Variants in PARD3B observed in about 807,000 individuals in gnomAD.
The protein encoded by PARD3B is partitioning defective 3 homolog B.
A neutral mutation model predicts 130.2 loss-of-function variants in PARD3B; 103 were observed. That is an observed-to-expected ratio of 0.79 (90% CI 0.67 to 0.93). PARD3B has a LOEUF of 0.93. Ranked by LOEUF, PARD3B falls within the 40% of genes least tolerant of loss-of-function variation. The pLI is 0.00. For missense variants in PARD3B, 1,609 were observed against 1,499.2 expected, an observed-to-expected ratio of 1.07 and a Z score of -1.21; for synonymous variants, 583 against 553.2, an observed-to-expected ratio of 1.05 and a Z score of -0.76.
chr2:205,144,268 A>G (rs1360289171), intron 10 of PARD3B, among the ~76,000 whole-genome samples: 2 of 152,238 alleles, frequency 1.3e-5, no homozygotes, highest in Admixed American at 6.5e-5. Context: ...TACCTAATTC[A>G]TAGCTTGGAG....
chr2:204,774,564 A>T (rs2041530423), intron 2 of PARD3B, among the ~76,000 whole-genome samples: 1 of 152,072 alleles, frequency 6.6e-6, no homozygotes, highest in South Asian at 2.1e-4. Flanking sequence ...GTATTTATGG[A>T]TAACATTAGG....
intron 16 of PARD3B, among the ~76,000 whole-genome samples, chr2:205,279,084 A>AC (rs1042304883): frequency 1.3e-5 from 2 of 149,734 alleles, no homozygotes; most frequent in African/African-American, 4.9e-5. Context: ...AAAAAAAAAA[A>AC]AAAAAAAAAA....
At chr2:204,570,593 A>G (rs1397792389) in intron 1 of PARD3B, among the ~76,000 whole-genome samples, 1 of 152,216 alleles carries the variant, frequency 6.6e-6, no homozygotes, top group Non-Finnish European at 1.5e-5. Flanking sequence ...TGAGGGAAGG[A>G]AGTGATAATG....
intron 3 of PARD3B, among the ~76,000 whole-genome samples, chr2:205,039,942 C>A (rs2125392677): frequency 6.6e-6 from 1 of 152,046 alleles, no homozygotes; most frequent in African/African-American, 2.4e-5. Flanking sequence ...TTTTTCTGGG[C>A]TTCAGTTCTT....
At chr2:204,657,638 A>C (rs987774948) in intron 1 of PARD3B, among the ~76,000 whole-genome samples, 2 of 152,212 alleles carry the variant, frequency 1.3e-5, no homozygotes, top group Admixed American at 6.5e-5. Flanking sequence ...CTTGGCTTAT[A>C]CAAGCCATAC....
chr2:205,096,032 A>G (rs940303775), intron 4 of PARD3B, among the ~76,000 whole-genome samples: 3 of 152,112 alleles, frequency 2.0e-5, no homozygotes, highest in Non-Finnish European at 4.4e-5. Flanking sequence ...CAAAAGTTGT[A>G]TAGAAATTAG....
Position 205,459,947 on chromosome 2 carries a change from T to C in PARD3B, c.3044+19275T>C, listed in dbSNP as rs534043736. Among the ~76,000 whole-genome samples, 3 of 152,244 alleles carry C rather than the reference T, an allele frequency of 2.0e-5. No individual in the cohort carries two copies. The East Asian group carries it at 5.8e-4, about 29-fold the overall frequency. On this transcript the variant is annotated intron_variant, in intron 20 of 22. Coordinates refer to ENST00000406610, the MANE Select transcript of PARD3B (RefSeq NM_001302769.2). Reference sequence around the variant, plus strand: ...TTCTTTCTCCTGGCAGTGAGGCCAGTGTTGGTGAAAGATGGCATGGATCTT... The same window carrying C: ...TTCTTTCTCCTGGCAGTGAGGCCAGCGTTGGTGAAAGATGGCATGGATCTT...
intron 2 of PARD3B, among the ~76,000 whole-genome samples, chr2:204,746,599 G>T (rs185248607): frequency 6.6e-6 from 1 of 152,036 alleles, no homozygotes; most frequent in African/African-American, 2.4e-5. Context: ...TCCCACCAAC[G>T]GTGTAAAAGT....
chr2:205,186,160 G>A (rs2036087594), intron 14 of PARD3B, among the ~76,000 whole-genome samples: 1 of 152,078 alleles, frequency 6.6e-6, no homozygotes, highest in Non-Finnish European at 1.5e-5. Flanking sequence ...GGAGCTCAAA[G>A]AAAAGTGACA....
intron 19 of PARD3B, among the ~76,000 whole-genome samples, chr2:205,419,621 C>T (rs572995176): frequency 5.3e-5 from 8 of 152,274 alleles, no homozygotes; most frequent in Non-Finnish European, 2.9e-5. Flanking sequence ...ATACAAGTCA[C>T]TTACTCTTTA....
At chr2:204,958,911 G>T (rs921115827) in intron 2 of PARD3B, among the ~76,000 whole-genome samples, 1 of 152,136 alleles carries the variant, frequency 6.6e-6, no homozygotes, top group Non-Finnish European at 1.5e-5. Flanking sequence ...CTTTTTATCA[G>T]ATCTGTTATT....
chr2:205,585,453 T>G lies in PARD3B; in HGVS notation c.3261-30003T>G, dbSNP rs2054162640. Among the ~76,000 whole-genome samples the G allele has an allele frequency of 2.0e-5, 3 of 152,242 alleles. No homozygotes were observed. On this transcript the variant is annotated intron_variant, in intron 22 of 22. Transcript: ENST00000406610. This position sits in a 1 kb window ranked among gnomAD's most constrained non-coding sequence, Gnocchi z 5.4. ...GGTTAATCCAACCTAATGAATCATTTAATGGGGATGAGAAGGCCAGGATGG... is the reference window on the plus strand; with the variant it reads ...GGTTAATCCAACCTAATGAATCATTGAATGGGGATGAGAAGGCCAGGATGG...
At chr2:205,245,756 C>G (rs1559581878) in intron 15 of PARD3B, 22 bp from the exon 16 acceptor site, 2 of 1,570,730 alleles carry the variant, frequency 1.3e-6, no homozygotes, top group Non-Finnish European at 1.7e-6. Flanking sequence ...TGATCCTTGT[C>G]TCTTTTATTT....
At chr2:204,575,616 T>G (rs1417263718) in intron 1 of PARD3B, among the ~76,000 whole-genome samples, 1 of 152,238 alleles carries the variant, frequency 6.6e-6, no homozygotes, top group East Asian at 1.9e-4. Context: ...TGTGGTGTCA[T>G]CTCTGCTAGA....
intron 3 of PARD3B, among the ~76,000 whole-genome samples, chr2:205,016,314 C>T (rs978984391): frequency 6.6e-5 from 10 of 152,062 alleles, no homozygotes; most frequent in African/African-American, 1.2e-4. Flanking sequence ...TTTTTGACCC[C>T]GCCTACCTCT....
In PARD3B at chr2:205,323,482, G is replaced by A. The variant is rs558713613; in HGVS notation, c.2630+21781G>A. On this transcript the variant is annotated intron_variant, in intron 18 of 22. Transcript: ENST00000406610. ...TGTACAGAATTTTAATTATGAGTAT[G>A]TGTATTTTTGTGGAGAAAGAATCCA... is the stretch of plus-strand genomic sequence containing the variant. Among the ~76,000 whole-genome samples the A allele has an allele frequency of 2.6e-5, 4 of 152,280 alleles. No individual in the cohort carries two copies. The East Asian group carries it at 7.7e-4, about 29-fold the overall frequency.
chr2:205,041,614 G>A (rs1325430926), intron 3 of PARD3B, among the ~76,000 whole-genome samples: 1 of 151,916 alleles, frequency 6.6e-6, no homozygotes, highest in African/African-American at 2.4e-5. Flanking sequence ...CTTTCACCGT[G>A]ACCTGCCCCC....
In PARD3B at chr2:205,397,425, G is replaced by GT. The variant is rs550891149; in HGVS notation, c.2631-3580dup. Among the ~76,000 whole-genome samples, 513 of 151,986 alleles carry GT rather than the reference G, an allele frequency of 3.4e-3. No homozygotes were observed. Among genetic ancestry groups the GT allele is most frequent in the Non-Finnish European group, 5.4e-3 (365 of 67,936 alleles). ...TGCAGAATTTACTTTCAACTAACAT[G>GT]TTTTTTTTCTTACCAAACATATTCC... On this transcript the variant is annotated intron_variant, in intron 18 of 22. Transcript: ENST00000406610. The surrounding 1 kb of genome is among the most constrained non-coding windows in gnomAD (Gnocchi z 4.8).
chr2:205,126,124 A>G (rs1271861492), intron 10 of PARD3B, among the ~76,000 whole-genome samples: 1 of 152,246 alleles, frequency 6.6e-6, no homozygotes. Context: ...AAGATAGCCA[A>G]GTATTCAAAA....
Sources: allele counts gnomAD v4.1 joint callset (sites outside exome capture counted in the v4.1 genomes callset), GRCh38; gene constraint gnomAD v4.1.1; non-coding constraint Gnocchi (gnomAD v3.1); transcripts MANE v1.5; gene names NCBI Gene and HGNC (gene_info 2026-07-23, HGNC 2026-07-21).